The following SLC35A5 variants were observed in gnomAD, a reference collection of about 807,000 sequenced individuals.
SLC35A5 encodes the protein UDP-sugar transporter protein SLC35A5.
SLC35A5 carries 28 observed loss-of-function variants against 36.3 expected under a neutral mutation model. The observed-to-expected ratio is 0.77, with a 90% CI of 0.57 to 1.06. SLC35A5 has a LOEUF of 1.06. SLC35A5 is among the 50% of genes least tolerant of loss of function. The pLI is 0.00. For synonymous variants in SLC35A5, 180 were observed against 173.7 expected (o/e 1.04, Z -0.29); for missense variants, 521 against 499.3 (o/e 1.04, Z -0.41).
At chr3:112,582,572 T>A in intron 6 of SLC35A5, 99 bp from the exon 7 acceptor site, 1 of 758,284 alleles carries the variant, frequency 1.3e-6, no homozygotes, top group Non-Finnish European at 2.3e-6. Context: ...TATCTATAGC[T>A]TAATGAGGTA....
At chr3:112,572,318 A>AAAT (rs751918634) in intron 4 of SLC35A5, among the ~76,000 whole-genome samples, 147 of 151,494 alleles carry the variant, frequency 9.7e-4, no homozygotes, top group Middle Eastern at 3.4e-3. Context: ...TCTATGAAAT[A>AAAT]AATAATAATA....
chr3:112,579,733 A>G (rs1934819840), intron 5 of SLC35A5, among the ~76,000 whole-genome samples: 1 of 152,146 alleles, frequency 6.6e-6, no homozygotes, highest in African/African-American at 2.4e-5. Context: ...ACATACTGAA[A>G]TCATTTAGTT....
intron 2 of SLC35A5, among the ~76,000 whole-genome samples, chr3:112,564,643 G>C (rs1049265215): frequency 2.2e-4 from 34 of 152,174 alleles, no homozygotes; most frequent in African/African-American, 7.7e-4. Context: ...TGTCGGGCTG[G>C]GGGACGGTCA....
rs1249589224 is a variant in SLC35A5 at position 112,580,883 on chromosome 3, G to A, written c.766G>A (p.Glu256Lys). Residue 256 changes from glutamate (E) to lysine (K), a missense_variant, in exon 6 of 7, where the codon GAA becomes AAA. Transcript: ENST00000492406. ...TATCTATAATGAAAAGATACTGAAG[G>A]AAGGGAACCAGCTCACTGAAAGCAT... The part of the protein sequence containing the change: ...ANIYNEKILK[E>K]GNQLTESIFI... The A allele has an allele frequency of 6.2e-7, 1 of 1,614,036 alleles. No individual in the cohort carries two copies. The highest frequency in any genetic ancestry group is 1.3e-5 in the African/African-American group (1 of 74,934).
In SLC35A5 at chr3:112,583,466, CT is replaced by C; in HGVS notation, c.*736del. On this transcript the variant is annotated 3_prime_UTR_variant, in exon 7 of 7. Transcript: ENST00000492406. ...GTCATTTAAACAAGCCACGGTGGGG[CT>C]TTTTTCTCCTCAGTTTGAGGAGAAA... 4.5e-6 allele frequency: 1 copy of C among 222,322 alleles called. No individual in the cohort carries two copies. Among genetic ancestry groups the C allele is most frequent in the East Asian group, 9.0e-5 (1 of 11,064 alleles). 13.8% of individuals were successfully genotyped at this position (222,322 alleles called of 1,614,324 possible).
chr3:112,582,793 T>C lies in SLC35A5; in HGVS notation c.*57T>C, dbSNP rs1559866063. 7.3e-7 allele frequency: 1 copy of C among 1,365,796 alleles called. No homozygotes were observed. Among genetic ancestry groups the C allele is most frequent in the Non-Finnish European group, 1.0e-6 (1 of 964,428 alleles). 84.6% of individuals were successfully genotyped at this position (1,365,796 alleles called of 1,614,324 possible). On this transcript the variant is annotated 3_prime_UTR_variant, in exon 7 of 7. Transcript: ENST00000492406. ...ACCTTATTTTCACATTTTCAGTGTT[T>C]GTAATATTTATCTTTTCACTTTGAT... is the stretch of plus-strand genomic sequence containing the variant.
upstream of SLC35A5, chr3:112,561,891 G>A (rs1933908367): frequency 3.9e-6 from 1 of 254,750 alleles, no homozygotes; most frequent in Non-Finnish European, 7.6e-6. Flanking sequence ...CTTCACTCGC[G>A]CCCCTTCCGG....
intron 2 of SLC35A5, chr3:112,564,424 A>C (rs537090555): frequency 6.6e-6 from 1 of 152,286 alleles, no homozygotes; most frequent in African/African-American, 2.4e-5. Context: ...TCAATGCCTT[A>C]AAGAGCAGTA....
chr3:112,568,298 G>A (rs1934288435), intron 2 of SLC35A5, among the ~76,000 whole-genome samples: 1 of 152,130 alleles, frequency 6.6e-6, no homozygotes, highest in Non-Finnish European at 1.5e-5. Flanking sequence ...CCCTACATTT[G>A]GCCAATTTTG....
chr3:112,566,111 G>T lies in SLC35A5; in HGVS notation c.130+2578G>T, dbSNP rs555419264. Among the ~76,000 whole-genome samples, 4 of 152,350 alleles carry T rather than the reference G, an allele frequency of 2.6e-5. No homozygotes were observed. The East Asian group carries it at 7.7e-4, about 29-fold the overall frequency. On this transcript the variant is annotated intron_variant, in intron 2 of 6. Transcript: ENST00000492406. ...TAAGGAGTATTCAGAACATAGAAAA[G>T]ACAGGATTTGGAGAATGTATTGAAT... is the stretch of plus-strand genomic sequence containing the variant.
rs762290643 is a variant in SLC35A5, at chr3:112,580,690, C to T, written c.573C>T (p.Ser191=). 2 of 1,614,132 alleles carry T rather than the reference C, an allele frequency of 1.2e-6. No individual in the cohort carries two copies. The highest frequency in any genetic ancestry group is 1.3e-5 in the African/African-American group (1 of 75,042). Residue 191 remains serine (S), a synonymous_variant, in exon 6 of 7, where the codon TCC becomes TCT. Transcript: ENST00000492406. ...ATGCCTTTTTCAGCCCTTCCAATTC[C>T]TGCCTTCTTTTCAGAAGTGAGTGTC... ...HHDAFFSPSN[S]CLLFRSECPR...
chr3:112,581,057 G>T lies in SLC35A5; in HGVS notation c.940G>T (p.Ala314Ser). Residue 314 changes from alanine to serine, a missense_variant, in exon 6 of 7, where the codon GCA (alanine) becomes TCA (serine). Coordinates refer to ENST00000492406, the MANE Select transcript of SLC35A5 (RefSeq NM_017945.5). The stretch of plus-strand genomic sequence containing the variant: ...TTCAGTAGCCCTTATTTTTGTAACT[G>T]CATTCCAGGGCCTTTCAGTGGCTTT... ...AFSVALIFVT[A>S]FQGLSVAFIL... The T allele has an allele frequency of 1.2e-6, 2 of 1,613,982 alleles. No individual in the cohort carries two copies. The highest frequency in any genetic ancestry group is 2.2e-5 in the South Asian group (2 of 91,080).
At position 112,583,634 on chromosome 3, in the gene SLC35A5, C is replaced by T. The variant is rs1222771980; in HGVS notation, c.*898C>T. Reference sequence around the variant, plus strand: ...TGGCTTCAGAATCATACCAGATTGTCAGTGAAGCTGATGCCTAGGAACTTT... The same window carrying T: ...TGGCTTCAGAATCATACCAGATTGTTAGTGAAGCTGATGCCTAGGAACTTT... On this transcript the variant is annotated 3_prime_UTR_variant, in exon 7 of 7. Transcript: ENST00000492406. The T allele has an allele frequency of 6.6e-6, 1 of 152,224 alleles. No homozygotes were observed. Among genetic ancestry groups the T allele is most frequent in the Non-Finnish European group, 1.5e-5 (1 of 68,130 alleles). 9.4% of individuals were successfully genotyped at this position (152,224 alleles called of 1,614,324 possible). A position where few individuals can be genotyped will look rare whatever the true frequency, so the allele number is the denominator to read the frequency against.
At chr3:112,576,620 C>A (rs1182882276) in intron 5 of SLC35A5, among the ~76,000 whole-genome samples, 1 of 152,144 alleles carries the variant, frequency 6.6e-6, no homozygotes, top group Non-Finnish European at 1.5e-5. Context: ...ACTTTAGATT[C>A]CTCATATGAA....
chr3:112,578,712 G>T (rs1934766855), intron 5 of SLC35A5, among the ~76,000 whole-genome samples: 1 of 152,160 alleles, frequency 6.6e-6, no homozygotes. Context: ...ATTGTTTACA[G>T]AAGGTGTTGT....
At chr3:112,562,887 C>T (rs1933996096) in intron 1 of SLC35A5, among the ~76,000 whole-genome samples, 1 of 151,992 alleles carries the variant, frequency 6.6e-6, no homozygotes, top group Non-Finnish European at 1.5e-5. Context: ...TAGTGAAACC[C>T]CGTCTCTACT....
chr3:112,584,965 C>CT lies in SLC35A5; in HGVS notation c.*2231dup, dbSNP rs992689189. ...GAAAATCAAATACCACATGTTCTCA[C>CT]TTATAAGTGGGAGCTAAACAGTGGG... On this transcript the variant is annotated 3_prime_UTR_variant, in exon 7 of 7. Transcript: ENST00000492406. 7.9e-5 allele frequency: 12 copies of CT among 152,140 alleles called. No individual in the cohort carries two copies. The highest frequency in any genetic ancestry group is 2.7e-4 in the African/African-American group (11 of 41,446). The allele number at this position is 152,140 out of a possible 1,614,324, so 9.4% of individuals were successfully genotyped here.
intron 2 of SLC35A5, among the ~76,000 whole-genome samples, chr3:112,564,544 C>A (rs1934102806): frequency 6.6e-6 from 1 of 152,122 alleles, no homozygotes; most frequent in Non-Finnish European, 1.5e-5. Context: ...CAGGGACGAG[C>A]AGGAGACAGA....
At chr3:112,571,377 A>G (rs1352032433) in intron 4 of SLC35A5, among the ~76,000 whole-genome samples, 1 of 152,184 alleles carries the variant, frequency 6.6e-6, no homozygotes, top group Non-Finnish European at 1.5e-5. Context: ...GAAGATTTCT[A>G]TTGCCTTTAT....
Sources: allele counts gnomAD v4.1 joint callset (sites outside exome capture counted in the v4.1 genomes callset), GRCh38; gene constraint gnomAD v4.1.1; transcripts MANE v1.5; gene names NCBI Gene and HGNC (gene_info 2026-07-23, HGNC 2026-07-21).